DLG2: variants seen among roughly 807,000 people sequenced by gnomAD.
DLG2 encodes disks large homolog 2.
Under a neutral mutation model 132.5 loss-of-function variants are expected in DLG2, and 45 were observed. The ratio of observed to expected loss-of-function variants is 0.34; its 90% CI spans 0.27 to 0.44. The LOEUF (loss-of-function observed/expected upper bound fraction) is 0.44, where lower values mean the gene tolerates loss of function less well. Ranked by LOEUF, DLG2 falls within the 20% of genes least tolerant of loss-of-function variation. The probability of loss-of-function intolerance (pLI) is 1.00; values close to 1 mark genes in which losing one functional copy is unlikely to be tolerated. For missense variants in DLG2, 1,045 were observed against 1,196.9 expected (o/e 0.87, Z 1.87); for synonymous variants, 424 against 419.6 (o/e 1.01, Z -0.13).
At chr11:84,938,037 G>A (rs1017299759) in intron 6 of DLG2, among the ~76,000 whole-genome samples, 4 of 152,130 alleles carry the variant, frequency 2.6e-5, no homozygotes, top group African/African-American at 9.7e-5. Context: ...TCAGTTCCTA[G>A]AAAAGGAACC....
At chr11:84,812,856 T>C (rs1415586088) in intron 6 of DLG2, among the ~76,000 whole-genome samples, 2 of 152,154 alleles carry the variant, frequency 1.3e-5, no homozygotes, top group East Asian at 1.9e-4. Context: ...AATCTGCAAA[T>C]TGAAGTTCCA....
chr11:84,903,725 A>C (rs903411176), intron 6 of DLG2, among the ~76,000 whole-genome samples: 1 of 152,164 alleles, frequency 6.6e-6, no homozygotes, highest in African/African-American at 2.4e-5. Context: ...TACTTCAAAA[A>C]GTTTTAGTAA....
chr11:84,835,290 T>C (rs981502722), intron 6 of DLG2, among the ~76,000 whole-genome samples: 1 of 151,670 alleles, frequency 6.6e-6, no homozygotes, highest in Non-Finnish European at 1.5e-5. Flanking sequence ...AGGAGTAGTA[T>C]ATAGAACTTT....
At chr11:84,973,980 C>G (rs967365424) in intron 6 of DLG2, among the ~76,000 whole-genome samples, 2 of 152,162 alleles carry the variant, frequency 1.3e-5, no homozygotes, top group Admixed American at 1.3e-4. Context: ...ATTTGGCCCA[C>G]TAGCCACCAT....
At chr11:84,843,121 C>T (rs1327506136) in intron 6 of DLG2, among the ~76,000 whole-genome samples, 1 of 151,796 alleles carries the variant, frequency 6.6e-6, no homozygotes. Flanking sequence ...AAAGAAGATA[C>T]ATCTTTAAAA....
chr11:83,481,041 C>T (rs959068496), intron 22 of DLG2, among the ~76,000 whole-genome samples: 2 of 152,090 alleles, frequency 1.3e-5, no homozygotes, highest in African/African-American at 4.8e-5. Flanking sequence ...TTTTACGAAT[C>T]AGCTCAATAG....
At chr11:85,475,296 C>T (rs1290410169) in intron 3 of DLG2, among the ~76,000 whole-genome samples, 1 of 151,518 alleles carries the variant, frequency 6.6e-6, no homozygotes, top group African/African-American at 2.4e-5. Context: ...CCAATTCTAC[C>T]AAAACTAAAA....
intron 6 of DLG2, among the ~76,000 whole-genome samples, chr11:84,758,018 G>C (rs10898294): frequency 0.83 from 126,507 of 152,174 alleles, 53,373 homozygotes; most frequent in African/African-American, 0.96. Flanking sequence ...TCTACAATCT[G>C]TATTCCAATG....
At chr11:85,350,840 C>T (rs1009504951) in intron 3 of DLG2, among the ~76,000 whole-genome samples, 5 of 151,760 alleles carry the variant, frequency 3.3e-5, no homozygotes, top group Admixed American at 2.0e-4. Context: ...AGTCAGGTAG[C>T]GTGATGCCTC....
At position 85,394,069 on chromosome 11, in the gene DLG2, A is replaced by T. The variant is rs286028; in HGVS notation, c.41-108704T>A. Among the ~76,000 whole-genome samples the T allele has an allele frequency of 2.6e-5, 4 of 152,098 alleles. No individual in the cohort carries two copies. In the East Asian group the frequency reaches 5.8e-4, roughly 22 times the overall value. On this transcript the variant is annotated intron_variant, in intron 3 of 27. Transcript: ENST00000376104. The stretch of plus-strand genomic sequence containing the variant: ...AAAAAAACCTATTGAAATATTTTCA[A>T]GTGGAAAATCTAGAAAAAAGAATCT...
chr11:83,493,070 CCTT>C (rs1476695913), intron 21 of DLG2, among the ~76,000 whole-genome samples: 3 of 152,076 alleles, frequency 2.0e-5, no homozygotes, highest in African/African-American at 7.2e-5. Context: ...TGCCACTGTG[CCTT>C]CTTTGCCTCA....
intron 18 of DLG2, among the ~76,000 whole-genome samples, chr11:83,648,978 T>C (rs149284542): frequency 6.6e-6 from 1 of 152,264 alleles, no homozygotes; most frequent in Non-Finnish European, 1.5e-5. Context: ...CTCAGGGCTA[T>C]AATGAATTGA....
At chr11:84,088,972 C>G (rs969152850) in intron 10 of DLG2, among the ~76,000 whole-genome samples, 5 of 152,190 alleles carry the variant, frequency 3.3e-5, no homozygotes, top group Admixed American at 6.5e-5. Flanking sequence ...CACTAGAAGT[C>G]TCTGCCTTTG....
chr11:83,650,265 T>C (rs1384757526), intron 18 of DLG2, among the ~76,000 whole-genome samples: 1 of 152,188 alleles, frequency 6.6e-6, no homozygotes, highest in Non-Finnish European at 1.5e-5. Flanking sequence ...GAGATTTTCC[T>C]GGATTATATG....
intron 18 of DLG2, among the ~76,000 whole-genome samples, chr11:83,652,218 G>A (rs1170101050): frequency 2.0e-5 from 3 of 152,088 alleles, no homozygotes; most frequent in South Asian, 2.1e-4. Flanking sequence ...ATGCAGGAGG[G>A]TATCTATCTG....
intron 7 of DLG2, among the ~76,000 whole-genome samples, chr11:84,306,735 C>T (rs1388199533): frequency 6.6e-6 from 1 of 152,168 alleles, no homozygotes; most frequent in Non-Finnish European, 1.5e-5. Context: ...ACCCTCTTCC[C>T]CTAAATCCCA....
chr11:83,770,011 A>C (rs539464515), intron 18 of DLG2, among the ~76,000 whole-genome samples: 1 of 152,262 alleles, frequency 6.6e-6, no homozygotes, highest in South Asian at 2.1e-4. Context: ...CTCTCTTAAC[A>C]CTGGCAATAA....
intron 18 of DLG2, among the ~76,000 whole-genome samples, chr11:83,726,516 G>A (rs1178782716): frequency 1.3e-5 from 2 of 152,048 alleles, no homozygotes; most frequent in East Asian, 1.9e-4. Context: ...CCAATCATAC[G>A]TCTAAATGAC....
intron 17 of DLG2, chr11:83,814,843 C>G: frequency 4.1e-6 from 1 of 241,262 alleles, no homozygotes; most frequent in Non-Finnish European, 9.1e-6. Context: ...ATGTTCACTC[C>G]ACTCCACACA....
Sources: gnomAD v4.1 joint callset for allele counts (sites outside exome capture counted in the v4.1 genomes callset) on GRCh38, gnomAD v4.1.1 for gene constraint, MANE v1.5 for transcripts, NCBI Gene and HGNC (gene_info 2026-07-23, HGNC 2026-07-21) for gene names.